ADAMTS18: variants seen among roughly 807,000 people sequenced by gnomAD.
ADAMTS18 encodes the protein A disintegrin and metalloproteinase with thrombospondin motifs 18.
In ADAMTS18, 157 loss-of-function variants were observed where a neutral mutation model predicts 165.9. The observed-to-expected ratio is 0.95, with a 90% CI of 0.83 to 1.08. The LOEUF (loss-of-function observed/expected upper bound fraction) is 1.08, where lower values mean the gene tolerates loss of function less well. Ranked by LOEUF, ADAMTS18 falls within the 50% of genes least tolerant of loss-of-function variation. The pLI is 0.00. For missense variants in ADAMTS18, 2,040 were observed against 1,534.0 expected (o/e 1.33, Z -5.51); for synonymous variants, 782 against 578.2 (o/e 1.35, Z -5.06).
At chr16:77,372,437 C>G (rs1327980281) in intron 3 of ADAMTS18, among the ~76,000 whole-genome samples, 1 of 152,190 alleles carries the variant, frequency 6.6e-6, no homozygotes, top group African/African-American at 2.4e-5. Flanking sequence ...CCATTAAGAT[C>G]ATGAAATCTT....
At chr16:77,324,090 A>G (rs1567482389) in intron 13 of ADAMTS18, among the ~76,000 whole-genome samples, 1 of 152,234 alleles carries the variant, frequency 6.6e-6, no homozygotes, top group Non-Finnish European at 1.5e-5. Flanking sequence ...GATTTCATAA[A>G]CACTATGTTT....
intron 3 of ADAMTS18, among the ~76,000 whole-genome samples, chr16:77,375,601 G>A (rs2056938989): frequency 6.6e-6 from 1 of 152,312 alleles, no homozygotes; most frequent in East Asian, 1.9e-4. Flanking sequence ...AGCGGAAGGG[G>A]TGGTGAGAAC....
At chr16:77,415,579 A>G (rs534657108) in intron 3 of ADAMTS18, among the ~76,000 whole-genome samples, 1 of 152,228 alleles carries the variant, frequency 6.6e-6, no homozygotes, top group East Asian at 1.9e-4. Context: ...CTCTAGGTCA[A>G]CGATATCTGA....
At chr16:77,381,721 G>A (rs1193253571) in intron 3 of ADAMTS18, among the ~76,000 whole-genome samples, 1 of 152,178 alleles carries the variant, frequency 6.6e-6, no homozygotes, top group Non-Finnish European at 1.5e-5. Context: ...GGAATCACTT[G>A]AACCCAGGAG....
intron 3 of ADAMTS18, among the ~76,000 whole-genome samples, chr16:77,402,392 C>A (rs2144812322): frequency 6.6e-6 from 1 of 152,248 alleles, no homozygotes; most frequent in Non-Finnish European, 1.5e-5. Context: ...GTCTGTTATC[C>A]CGATAGTCCT....
chr16:77,311,003 GT>G (rs1475649393), intron 16 of ADAMTS18, among the ~76,000 whole-genome samples: 1 of 152,046 alleles, frequency 6.6e-6, no homozygotes, highest in Non-Finnish European at 1.5e-5. Flanking sequence ...GAAGAAAATT[GT>G]TTTGATGGTA....
At chr16:77,401,255 AAAC>A (rs1010898850) in intron 3 of ADAMTS18, among the ~76,000 whole-genome samples, 4 of 152,148 alleles carry the variant, frequency 2.6e-5, no homozygotes, top group African/African-American at 9.7e-5. Context: ...CTCCATCTCA[AAAC>A]AACAACAATA....
chr16:77,401,395 C>A (rs546239371), intron 3 of ADAMTS18, among the ~76,000 whole-genome samples: 1 of 152,274 alleles, frequency 6.6e-6, no homozygotes, highest in Admixed American at 6.5e-5. Flanking sequence ...GAAATTAATT[C>A]ATCATTCCTT....
chr16:77,372,524 C>T (rs944416190), intron 3 of ADAMTS18, among the ~76,000 whole-genome samples: 6 of 152,146 alleles, frequency 3.9e-5, no homozygotes, highest in Admixed American at 1.3e-4. Context: ...AAATCAAAGA[C>T]GGAGTCTTCA....
intron 11 of ADAMTS18, among the ~76,000 whole-genome samples, chr16:77,340,659 C>A (rs2056384549): frequency 6.6e-6 from 1 of 152,122 alleles, no homozygotes; most frequent in Non-Finnish European, 1.5e-5. Context: ...CAGCACACTA[C>A]AGCCTCAAAC....
At chr16:77,371,082 G>A (rs1197293091) in intron 3 of ADAMTS18, among the ~76,000 whole-genome samples, 1 of 152,082 alleles carries the variant, frequency 6.6e-6, no homozygotes, top group East Asian at 1.9e-4. Flanking sequence ...AGGTGTGGTG[G>A]TGCATGCCTG....
chr16:77,414,405 C>G (rs1029589792), intron 3 of ADAMTS18, among the ~76,000 whole-genome samples: 1 of 152,068 alleles, frequency 6.6e-6, no homozygotes, highest in African/African-American at 2.4e-5. Flanking sequence ...TCTGAAGACT[C>G]ATGTGAAAAA....
chr16:77,317,438 A>C (rs2055907641), intron 16 of ADAMTS18, among the ~76,000 whole-genome samples: 1 of 152,068 alleles, frequency 6.6e-6, no homozygotes, highest in African/African-American at 2.4e-5. Context: ...GGTTCAAGTG[A>C]TTCTCCTGCC....
Position 77,334,696 on chromosome 16 carries a change from A to ATATAG in ADAMTS18, c.1859+1059_1859+1060insCTATA, listed in dbSNP as rs1469104518. ...ATATACTATAGTATATATATATAGT[A>ATATAG]TATATATACTGTATACTATAGTATA... On this transcript the variant is annotated intron_variant, in intron 12 of 22. Coordinates refer to ENST00000282849, the MANE Select transcript of ADAMTS18 (RefSeq NM_199355.4). 1.9e-3 allele frequency among the ~76,000 whole-genome samples: 217 copies of ATATAG among 111,796 alleles called. 2 individuals are homozygous for ATATAG. In the East Asian group the frequency reaches 0.045, roughly 23 times the overall value. The allele number at this position is 111,796 out of a possible 152,430, so 73.3% of individuals were successfully genotyped here.
At chr16:77,299,832 C>G (rs2055546411) in intron 17 of ADAMTS18, among the ~76,000 whole-genome samples, 1 of 152,162 alleles carries the variant, frequency 6.6e-6, no homozygotes, top group Admixed American at 6.5e-5. Context: ...AGATAGACAT[C>G]TTAAGTTTGC....
chr16:77,391,385 G>C (rs895177927), intron 3 of ADAMTS18, among the ~76,000 whole-genome samples: 1 of 151,890 alleles, frequency 6.6e-6, no homozygotes, highest in African/African-American at 2.4e-5. Flanking sequence ...CAGCTACTCG[G>C]AAGGCTGAAG....
chr16:77,362,026 G>T, intron 7 of ADAMTS18, 79 bp downstream of exon 7: 2 of 1,461,758 alleles, frequency 1.4e-6, no homozygotes, highest in East Asian at 4.6e-5. Context: ...GAACATAAGG[G>T]CTATCCATCA....
intron 13 of ADAMTS18, among the ~76,000 whole-genome samples, 153 bp from the exon 14 acceptor site, chr16:77,322,619 G>A (rs965468837): frequency 6.6e-6 from 1 of 152,188 alleles, no homozygotes; most frequent in African/African-American, 2.4e-5. Context: ...ATATGATGTG[G>A]CTTTCGAAGC....
At chr16:77,373,479 A>G (rs903167077) in intron 3 of ADAMTS18, among the ~76,000 whole-genome samples, 4 of 150,538 alleles carry the variant, frequency 2.7e-5, no homozygotes, top group African/African-American at 9.9e-5. Context: ...AAAAAAAAAA[A>G]GAAAGAAAAG....
Sources: gnomAD v4.1 joint callset for allele counts (sites outside exome capture counted in the v4.1 genomes callset) on GRCh38, gnomAD v4.1.1 for gene constraint, MANE v1.5 for transcripts, NCBI Gene and HGNC (gene_info 2026-07-23, HGNC 2026-07-21) for gene names.